The following MAML1 variants were observed in gnomAD, a reference collection of about 807,000 sequenced individuals.
The protein encoded by MAML1 is mastermind-like protein 1.
Under a neutral mutation model 77.1 loss-of-function variants are expected in MAML1, and 14 were observed. The ratio of observed to expected loss-of-function variants is 0.18; its 90% CI spans 0.12 to 0.28. The LOEUF (loss-of-function observed/expected upper bound fraction) is 0.28. Ranked by LOEUF, MAML1 falls within the 10% of genes least tolerant of loss-of-function variation. The pLI is 1.00. For missense variants in MAML1, 1,217 were observed against 1,327.8 expected (o/e 0.92, Z 1.30); for synonymous variants, 516 against 551.9 (o/e 0.93, Z 0.91).
intron 1 of MAML1, among the ~76,000 whole-genome samples, chr5:179,746,409 G>A (rs550667539): frequency 6.6e-6 from 1 of 152,226 alleles, no homozygotes; most frequent in Non-Finnish European, 1.5e-5. Context: ...TTTCGCTCTT[G>A]TTGCCCAGGC....
intron 1 of MAML1, among the ~76,000 whole-genome samples, chr5:179,762,484 C>T (rs973060862): frequency 2.6e-5 from 4 of 152,102 alleles, no homozygotes; most frequent in African/African-American, 2.4e-5. Context: ...CAGCCGACCA[C>T]GAGCATCTGA....
chr5:179,764,673 A>G (rs1490053836), intron 1 of MAML1, among the ~76,000 whole-genome samples: 1 of 150,800 alleles, frequency 6.6e-6, no homozygotes, highest in African/African-American at 2.4e-5. Flanking sequence ...AAAAAAAAAA[A>G]GTGAGGGGCT....
intron 1 of MAML1, among the ~76,000 whole-genome samples, chr5:179,750,241 C>T (rs949558348): frequency 3.3e-5 from 5 of 152,192 alleles, no homozygotes; most frequent in African/African-American, 1.2e-4. Flanking sequence ...TTATCTCCTG[C>T]GGATTCTTGC....
rs538199283 is a variant in MAML1 at position 179,774,393 on chromosome 5, A to G, written c.2567A>G (p.Asn856Ser). 10 of 1,613,198 alleles carry G rather than the reference A, an allele frequency of 6.2e-6. No individual in the cohort carries two copies. In the African/African-American group the frequency reaches 1.1e-4, roughly 17 times the overall value. Residue 856 changes from asparagine (N) to serine (S), a missense_variant, in exon 5 of 5, where the codon AAC becomes AGC. Transcript: ENST00000292599. ...AGTGGCCAGACCCCAGGGAACAGCA[A>G]CGTGAGTCCCTTCACTGCAGCCTCC... ...NLSGQTPGNS[N>S]VSPFTAASSF...
At chr5:179,742,120 G>A (rs1034575290) in intron 1 of MAML1, among the ~76,000 whole-genome samples, 1 of 148,806 alleles carries the variant, frequency 6.7e-6, no homozygotes, top group Non-Finnish European at 1.5e-5. Flanking sequence ...TGATCCACCC[G>A]CCTCGGTCTC....
intron 4 of MAML1, among the ~76,000 whole-genome samples, chr5:179,773,526 CCCCATCGT>C (rs1756049454): frequency 6.6e-6 from 1 of 152,274 alleles, no homozygotes; most frequent in African/African-American, 2.4e-5. Context: ...CCCCATTGCG[CCCCATCGT>C]GCCATGTGCT....
intron 1 of MAML1, among the ~76,000 whole-genome samples, chr5:179,751,840 C>A (rs1646271322): frequency 6.6e-6 from 1 of 151,796 alleles, no homozygotes; most frequent in African/African-American, 2.4e-5. Flanking sequence ...GGCAAAACCC[C>A]ATCTTTACAA....
At chr5:179,740,684 GC>G (rs1233445201) in intron 1 of MAML1, among the ~76,000 whole-genome samples, 2 of 152,072 alleles carry the variant, frequency 1.3e-5, no homozygotes, top group Non-Finnish European at 2.9e-5. Context: ...AGATGCCAGG[GC>G]TGGGGCTGGT....
intron 1 of MAML1, among the ~76,000 whole-genome samples, chr5:179,753,742 A>G (rs1199398125): frequency 7.1e-6 from 1 of 140,816 alleles, no homozygotes; most frequent in Non-Finnish European, 1.5e-5. Context: ...GGCTCACTGC[A>G]ACCTCCGCCT....
rs1756147862 is a variant in MAML1, at chr5:179,776,966, T to C, written c.*2089T>C. ...GAAAAGGGTGCTCAGACTTTTGTTA[T>C]ACACATTTGCTTTGTGTAAATAAAT... On this transcript the variant is annotated 3_prime_UTR_variant, in exon 5 of 5. Transcript: ENST00000292599. 3 of 985,612 alleles carry C rather than the reference T, an allele frequency of 3.0e-6. No homozygotes were observed. The highest frequency in any genetic ancestry group is 2.4e-6 in the Non-Finnish European group (2 of 829,764). The allele number at this position is 985,612 out of a possible 1,614,324, so 61.1% of individuals were successfully genotyped here.
chr5:179,734,197 G>A (rs1474020383), intron 1 of MAML1, among the ~76,000 whole-genome samples: 1 of 152,108 alleles, frequency 6.6e-6, no homozygotes. Context: ...TTTTTCAGTG[G>A]TTTTCTTGGG....
At chr5:179,735,780 C>T (rs1392917924) in intron 1 of MAML1, among the ~76,000 whole-genome samples, 3 of 152,052 alleles carry the variant, frequency 2.0e-5, no homozygotes, top group Non-Finnish European at 2.9e-5. Flanking sequence ...CTCTGCCTCC[C>T]CGGTTCAAGC....
At chr5:179,753,360 T>C (rs938843954) in intron 1 of MAML1, among the ~76,000 whole-genome samples, 1 of 152,230 alleles carries the variant, frequency 6.6e-6, no homozygotes, top group Non-Finnish European at 1.5e-5. Flanking sequence ...TTTTTACTTT[T>C]ATTACCCTCC....
chr5:179,765,601 C>T lies in MAML1; in HGVS notation c.591C>T (p.His197=), dbSNP rs1161401089. The T allele has an allele frequency of 6.2e-7, 1 of 1,614,194 alleles. No homozygotes were observed. The highest frequency in any genetic ancestry group is 1.3e-5 in the African/African-American group (1 of 75,060). ...NKKRLADSSL[H]LNGGSNPSES... Reference sequence around the variant, plus strand: ...AGCGTCTGGCTGACTCCAGCCTTCACTTGAATGGAGGCAGTAACCCCAGTG... The same window carrying T: ...AGCGTCTGGCTGACTCCAGCCTTCATTTGAATGGAGGCAGTAACCCCAGTG... Residue 197 remains histidine (H), a synonymous_variant, in exon 2 of 5, where the codon CAC becomes CAT. Coordinates refer to ENST00000292599, the MANE Select transcript of MAML1 (RefSeq NM_014757.5).
In MAML1 at chr5:179,771,301, G is replaced by A. The variant is rs974982785; in HGVS notation, c.2068+58G>A. The A allele has an allele frequency of 1.3e-5, 19 of 1,431,506 alleles. No individual in the cohort carries two copies. The highest frequency in any genetic ancestry group is 1.9e-5 in the Non-Finnish European group (19 of 1,014,720). The allele number at this position is 1,431,506 out of a possible 1,614,324, so 88.7% of individuals were successfully genotyped here. The stretch of plus-strand genomic sequence containing the variant: ...GGGAGGCCGCTGCCTGGTGCTGGTT[G>A]AATCCCTGCTGTCTGCCCAGCTCTA... On this transcript the variant is annotated intron_variant, in intron 4 of 4. Coordinates refer to ENST00000292599, the MANE Select transcript of MAML1 (RefSeq NM_014757.5). The surrounding 1 kb of genome is among the most constrained non-coding windows in gnomAD (Gnocchi z 4.7).
chr5:179,763,319 C>T (rs1178328662), intron 1 of MAML1, among the ~76,000 whole-genome samples: 1 of 152,184 alleles, frequency 6.6e-6, no homozygotes, highest in Admixed American at 6.5e-5. Context: ...TTCCCTTCCA[C>T]CCCTAGGTGG....
At chr5:179,761,093 C>CA (rs1311055423) in intron 1 of MAML1, among the ~76,000 whole-genome samples, 1 of 4,852 alleles carries the variant, frequency 2.1e-4, no homozygotes, top group African/African-American at 2.5e-4. Flanking sequence ...GTCTCCGTCT[C>CA]AAAAAAAAGA....
intron 1 of MAML1, among the ~76,000 whole-genome samples, chr5:179,751,857 A>T (rs1386631115): frequency 6.6e-6 from 1 of 151,946 alleles, no homozygotes; most frequent in Admixed American, 6.6e-5. Context: ...ACAAAAAATT[A>T]GCCAGGCTTG....
In MAML1 at chr5:179,766,279, C is replaced by A; in HGVS notation, c.1269C>A (p.Ala423=). ...CACAGCAGGCCACCCCGGCACCAGC[C>A]CCGGGCCAGATGTCCACATGGCAGC... ...QNPQQATPAP[A]PGQMSTWQQT... is the part of the protein sequence containing the mutation. Residue 423 remains alanine, a synonymous_variant, in exon 2 of 5, where the codon GCC becomes GCA. Transcript: ENST00000292599. The surrounding 1 kb of genome is among the most constrained non-coding windows in gnomAD (Gnocchi z 4.0). 1.2e-6 allele frequency: 2 copies of A among 1,613,916 alleles called. No homozygotes were observed. Among genetic ancestry groups the A allele is most frequent in the Non-Finnish European group, 1.7e-6 (2 of 1,179,918 alleles).
Sources: allele counts gnomAD v4.1 joint callset (sites outside exome capture counted in the v4.1 genomes callset), GRCh38; gene constraint gnomAD v4.1.1; non-coding constraint Gnocchi (gnomAD v3.1); transcripts MANE v1.5; gene names NCBI Gene and HGNC (gene_info 2026-07-23, HGNC 2026-07-21).